The following LAMA2 variants were observed in gnomAD, a reference collection of about 807,000 sequenced individuals.
LAMA2 encodes the protein laminin subunit alpha-2.
A neutral mutation model predicts 364.8 loss-of-function variants in LAMA2; 269 were observed. The observed-to-expected ratio is 0.74, with a 90% CI of 0.67 to 0.82. The LOEUF is 0.82. Among genes scored for constraint, LAMA2 ranks in the 40% least tolerant of loss-of-function variants. LAMA2 has a pLI of 0.00. For missense variants in LAMA2, 3,807 were observed against 3,873.2 expected, an observed-to-expected ratio of 0.98 and a Z score of 0.45; for synonymous variants, 1,379 against 1,370.6, an observed-to-expected ratio of 1.01 and a Z score of -0.14.
At chr6:129,015,797 C>T (rs1785033644) in intron 1 of LAMA2, among the ~76,000 whole-genome samples, 1 of 151,988 alleles carries the variant, frequency 6.6e-6, no homozygotes, top group South Asian at 2.1e-4. Flanking sequence ...TTTGCAAATG[C>T]GTGCATTTAA....
At chr6:129,256,503 C>T (rs1445789744) in intron 14 of LAMA2, among the ~76,000 whole-genome samples, 2 of 151,984 alleles carry the variant, frequency 1.3e-5, no homozygotes, top group African/African-American at 2.4e-5. Flanking sequence ...TATACATATA[C>T]ATACTGTACA....
chr6:129,464,185 C>T lies in LAMA2; in HGVS notation c.6993-105C>T, dbSNP rs890511507. Reference sequence around the variant, plus strand: ...GAATGAAGATGTATTTAGGGTATTTCCTGCCCTACAACAGCCTATAGTCTC... The same window carrying T: ...GAATGAAGATGTATTTAGGGTATTTTCTGCCCTACAACAGCCTATAGTCTC... On this transcript the variant is annotated intron_variant, in intron 49 of 64. Transcript: ENST00000421865. The T allele has an allele frequency of 8.2e-6, 8 of 977,982 alleles. No individual in the cohort carries two copies. The Admixed American group carries it at 1.4e-4, about 17-fold the overall frequency. 60.6% of individuals were successfully genotyped at this position (977,982 alleles called of 1,614,324 possible).
intron 32 of LAMA2, among the ~76,000 whole-genome samples, chr6:129,360,070 A>G (rs1421621857): frequency 6.6e-6 from 1 of 152,114 alleles, no homozygotes; most frequent in Non-Finnish European, 1.5e-5. Context: ...CATGGTCTTG[A>G]AATATTTGCT....
intron 30 of LAMA2, among the ~76,000 whole-genome samples, chr6:129,343,968 G>A (rs1243296551): frequency 6.6e-6 from 1 of 152,098 alleles, no homozygotes; most frequent in African/African-American, 2.4e-5. Flanking sequence ...ACAGAATTTG[G>A]AACATGGCGT....
chr6:128,968,306 A>C (rs1271267024), intron 1 of LAMA2, among the ~76,000 whole-genome samples: 1 of 152,186 alleles, frequency 6.6e-6, no homozygotes, highest in Non-Finnish European at 1.5e-5. Context: ...TCATTTATTC[A>C]AACAAATATT....
At chr6:129,341,406 G>A (rs531296884) in intron 29 of LAMA2, among the ~76,000 whole-genome samples, 3 of 152,250 alleles carry the variant, frequency 2.0e-5, no homozygotes, top group African/African-American at 7.2e-5. Context: ...TCCAAATCCT[G>A]TCTTATAAAA....
In LAMA2 at chr6:129,153,521, A is replaced by G. The variant is rs576166244; in HGVS notation, c.1028-984A>G. The stretch of plus-strand genomic sequence containing the variant: ...CATTCACCGGGTAGGATGTGAAGAG[A>G]TTCTGGCAGTCTTTAGCAGTGCAGA... On this transcript the variant is annotated intron_variant, in intron 7 of 64. Coordinates refer to ENST00000421865, the MANE Select transcript of LAMA2 (RefSeq NM_000426.4). Among the ~76,000 whole-genome samples the G allele has an allele frequency of 2.0e-5, 3 of 152,302 alleles. No homozygotes were observed. In the East Asian group the frequency reaches 5.8e-4, roughly 29 times the overall value.
chr6:129,081,661 C>A (rs1403820381), intron 3 of LAMA2, among the ~76,000 whole-genome samples: 2 of 152,068 alleles, frequency 1.3e-5, no homozygotes, highest in African/African-American at 4.8e-5. Context: ...AAGTTTAAGT[C>A]CTTTTTTCTT....
rs749645478 is a variant in LAMA2, at chr6:129,445,643, G to T, written c.6275-24G>T. The T allele has an allele frequency of 3.1e-6, 5 of 1,610,092 alleles. No homozygotes were observed. The East Asian group carries it at 6.7e-5, about 22-fold the overall frequency. On this transcript the variant is annotated intron_variant, in intron 44 of 64. Transcript: ENST00000421865. ...TGCACGTGTGTGCATGCATATACAT[G>T]CACACTAATTTTGTTCTATGCAGTT...
At chr6:129,341,923 C>T (rs141950173) in intron 29 of LAMA2, among the ~76,000 whole-genome samples, 1 of 152,212 alleles carries the variant, frequency 6.6e-6, no homozygotes, top group Non-Finnish European at 1.5e-5. Flanking sequence ...TGGGCATGTG[C>T]CAAGGCCACA....
intron 12 of LAMA2, among the ~76,000 whole-genome samples, chr6:129,238,099 G>A (rs911241400): frequency 1.3e-5 from 2 of 151,392 alleles, no homozygotes; most frequent in Non-Finnish European, 2.9e-5. Flanking sequence ...CTTGAACCTG[G>A]GAGACAGAGG....
At chr6:129,481,634 T>C (rs938610458) in intron 55 of LAMA2, among the ~76,000 whole-genome samples, 195 bp downstream of exon 55, 9 of 152,206 alleles carry the variant, frequency 5.9e-5, no homozygotes, top group Non-Finnish European at 1.2e-4. Flanking sequence ...TTCTCTAGGA[T>C]GTTCCTGTTG....
intron 12 of LAMA2, among the ~76,000 whole-genome samples, chr6:129,200,242 GTGTATATATATACGTGTACACATATACA>G (rs1782142415): frequency 1.6e-5 from 2 of 125,692 alleles, no homozygotes; most frequent in Non-Finnish European, 3.3e-5. Flanking sequence ...ACATATACAT[GTGTATATATATACGTGTACACATATACA>G]TGTGTATATA....
chr6:129,177,740 T>C lies in LAMA2; in HGVS notation c.1341T>C (p.Gly447=). Residue 447 remains glycine, a synonymous_variant, in exon 10 of 65, where the codon GGT becomes GGC. Coordinates refer to ENST00000421865, the MANE Select transcript of LAMA2 (RefSeq NM_000426.4). ...CTGGATCCTGTCATTGCAAAACTGG[T>C]TTTGGAGGTGTGAGCTGTGATCGGT... The part of the protein sequence containing the change: ...LAPGSCHCKT[G]FGGVSCDRCA... 6.2e-7 allele frequency: 1 copy of C among 1,613,956 alleles called. No individual in the cohort carries two copies. Among genetic ancestry groups the C allele is most frequent in the Non-Finnish European group, 8.5e-7 (1 of 1,179,932 alleles).
intron 42 of LAMA2, 33 bp from the exon 43 acceptor site, chr6:129,440,783 T>G: frequency 1.2e-6 from 2 of 1,600,520 alleles, no homozygotes; most frequent in South Asian, 1.1e-5. Context: ...CCACACCCTT[T>G]GTTTTGTTTT....
chr6:128,969,780 T>C (rs2114613971), intron 1 of LAMA2, among the ~76,000 whole-genome samples: 1 of 152,194 alleles, frequency 6.6e-6, no homozygotes, highest in South Asian at 2.1e-4. Context: ...ATGCTTCTAT[T>C]TGGATAAAAC....
At chr6:129,418,213 A>C (rs1190576813) in intron 40 of LAMA2, among the ~76,000 whole-genome samples, 1 of 152,126 alleles carries the variant, frequency 6.6e-6, no homozygotes, top group Non-Finnish European at 1.5e-5. Flanking sequence ...TCAGAAAAGA[A>C]AGTCTTTAGA....
intron 3 of LAMA2, among the ~76,000 whole-genome samples, chr6:129,067,877 A>G (rs1405533045): frequency 6.6e-6 from 1 of 152,150 alleles, no homozygotes; most frequent in African/African-American, 2.4e-5. Flanking sequence ...CCTTCTCAAC[A>G]AGGGCCTCCT....
At chr6:129,211,317 T>C (rs918133212) in intron 12 of LAMA2, among the ~76,000 whole-genome samples, 6 of 152,204 alleles carry the variant, frequency 3.9e-5, no homozygotes, top group African/African-American at 1.4e-4. Context: ...TTCAAGACAC[T>C]GAACAGCCAG....
Sources: allele counts gnomAD v4.1 joint callset (sites outside exome capture counted in the v4.1 genomes callset), GRCh38; gene constraint gnomAD v4.1.1; transcripts MANE v1.5; gene names NCBI Gene and HGNC (gene_info 2026-07-23, HGNC 2026-07-21).